Variants in RTN1 observed in about 807,000 individuals in gnomAD.
RTN1 encodes reticulon-1.
RTN1 carries 25 observed loss-of-function variants against 65.5 expected under a neutral mutation model. The ratio of observed to expected loss-of-function variants is 0.38; its 90% confidence interval spans 0.28 to 0.53. The LOEUF is 0.53. Ranked by LOEUF, RTN1 falls within the 20% of genes least tolerant of loss-of-function variation. RTN1 has a pLI of 0.79. For missense variants in RTN1, 983 were observed against 1,025.4 expected, an observed-to-expected ratio of 0.96 and a Z score of 0.57; for synonymous variants, 471 against 447.6, an observed-to-expected ratio of 1.05 and a Z score of -0.66.
rs1566727928 is a variant in RTN1 at position 59,790,132 on chromosome 14, G to C, written c.242-43651C>G. On this transcript the variant is annotated intron_variant, in intron 1 of 8. Coordinates refer to ENST00000267484, the MANE Select transcript of RTN1 (RefSeq NM_021136.3). The surrounding 1 kb of genome is among the most constrained non-coding windows in gnomAD (Gnocchi z 4.1). The stretch of plus-strand genomic sequence containing the variant: ...AGGCATGAAGAAAACCTGAAATAAT[G>C]ACTTAGAAGAAAGGCTTCAAATAAC... 6.6e-6 allele frequency among the ~76,000 whole-genome samples: 1 copy of C among 152,092 alleles called. No homozygotes were observed. Among genetic ancestry groups the C allele is most frequent in the Non-Finnish European group, 1.5e-5 (1 of 68,004 alleles).
chr14:59,629,192 TA>T (rs1239044465), intron 3 of RTN1, among the ~76,000 whole-genome samples: 33 of 152,384 alleles, frequency 2.2e-4, no homozygotes, highest in African/African-American at 7.7e-4. Context: ...TCCATCGATT[TA>T]CTTTTGACAA....
At chr14:59,833,481 A>G (rs1011439770) in intron 1 of RTN1, among the ~76,000 whole-genome samples, 9 of 152,134 alleles carry the variant, frequency 5.9e-5, no homozygotes, top group African/African-American at 1.9e-4. Flanking sequence ...AATAATTGTG[A>G]AAAAGTGACA....
intron 1 of RTN1, among the ~76,000 whole-genome samples, chr14:59,787,178 G>T (rs1886263800): frequency 6.6e-6 from 1 of 151,998 alleles, no homozygotes; most frequent in African/African-American, 2.4e-5. Flanking sequence ...ATTTGCACTG[G>T]CCCAGGAAGC....
At chr14:59,777,296 T>C (rs1886070091) in intron 1 of RTN1, among the ~76,000 whole-genome samples, 1 of 152,200 alleles carries the variant, frequency 6.6e-6, no homozygotes, top group Non-Finnish European at 1.5e-5. Context: ...GCTTTTGTGT[T>C]TGACTGTTTG....
intron 3 of RTN1, among the ~76,000 whole-genome samples, chr14:59,613,806 GA>G (rs34219803): frequency 1.8e-4 from 26 of 147,450 alleles, no homozygotes; most frequent in South Asian, 1.5e-3. Context: ...CCCTGTTTTG[GA>G]AAAAAAAAAC....
At chr14:59,740,752 A>G (rs1885099698) in intron 2 of RTN1, among the ~76,000 whole-genome samples, 1 of 152,216 alleles carries the variant, frequency 6.6e-6, no homozygotes, top group Non-Finnish European at 1.5e-5. Context: ...AACTTTAACA[A>G]AATGCTAGGA....
At position 59,746,780 on chromosome 14, in the gene RTN1, C is replaced by T. The variant is rs1042349850; in HGVS notation, c.242-299G>A. 2.0e-5 allele frequency among the ~76,000 whole-genome samples: 3 copies of T among 152,096 alleles called. No individual in the cohort carries two copies. The East Asian group carries it at 5.8e-4, about 29-fold the overall frequency. On this transcript the variant is annotated intron_variant, in intron 1 of 8. Transcript: ENST00000267484. ...GAAATTTATTTTCAACGTCTACCAC[C>T]TCAACACACAGTGACTTGATCTTAG...
At chr14:59,865,434 C>T (rs918098842) in intron 1 of RTN1, among the ~76,000 whole-genome samples, 2 of 152,180 alleles carry the variant, frequency 1.3e-5, no homozygotes, top group Non-Finnish European at 2.9e-5. Flanking sequence ...CTTCTGTTTA[C>T]TTATCCTGGG....
chr14:59,601,823 A>G (rs2140158510), intron 8 of RTN1, among the ~76,000 whole-genome samples: 1 of 152,304 alleles, frequency 6.6e-6, no homozygotes, highest in African/African-American at 2.4e-5. Flanking sequence ...TAGCATTTGT[A>G]TTTTTAAACA....
intron 3 of RTN1, among the ~76,000 whole-genome samples, chr14:59,679,837 A>G (rs1952043): frequency 0.69 from 105,356 of 151,978 alleles, 36,986 homozygotes; most frequent in Non-Finnish European, 0.74. Context: ...GAGCTTCCAT[A>G]CAGAACAATT....
intron 1 of RTN1, among the ~76,000 whole-genome samples, chr14:59,773,652 C>T (rs1260476666): frequency 6.6e-6 from 1 of 152,064 alleles, no homozygotes; most frequent in Non-Finnish European, 1.5e-5. Context: ...CCTGAGTTAC[C>T]AACTCATAAC....
intron 1 of RTN1, among the ~76,000 whole-genome samples, chr14:59,751,034 G>C (rs1482167831): frequency 6.6e-6 from 1 of 151,554 alleles, no homozygotes. Flanking sequence ...AAGTAATTTT[G>C]AAGTTTAGAA....
intron 1 of RTN1, among the ~76,000 whole-genome samples, chr14:59,838,347 C>T (rs1373497011): frequency 1.3e-5 from 2 of 152,120 alleles, no homozygotes; most frequent in African/African-American, 4.8e-5. Context: ...CATCTTTTGA[C>T]CCAGAACTTC....
chr14:59,647,203 A>G (rs1882917100), intron 3 of RTN1, among the ~76,000 whole-genome samples: 1 of 152,234 alleles, frequency 6.6e-6, no homozygotes, highest in Admixed American at 6.5e-5. Flanking sequence ...CAAAAAAGAC[A>G]AGAGCGTTAC....
At chr14:59,691,122 C>T (rs1459898990) in intron 3 of RTN1, among the ~76,000 whole-genome samples, 1 of 151,978 alleles carries the variant, frequency 6.6e-6, no homozygotes, top group African/African-American at 2.4e-5. Context: ...CCCAAAAATC[C>T]ATGCAAACCT....
intron 3 of RTN1, among the ~76,000 whole-genome samples, chr14:59,713,499 G>GA (rs1416475375): frequency 6.6e-6 from 1 of 152,154 alleles, no homozygotes; most frequent in Non-Finnish European, 1.5e-5. Context: ...TTGGCATTCT[G>GA]GTTTCGACCA....
At chr14:59,867,366 C>T (rs1887818240) in intron 1 of RTN1, among the ~76,000 whole-genome samples, 1 of 152,186 alleles carries the variant, frequency 6.6e-6, no homozygotes, top group Non-Finnish European at 1.5e-5. Flanking sequence ...TCGTAGCCTA[C>T]CTACGGTGTA....
chr14:59,634,967 A>T (rs1240256049), intron 3 of RTN1, among the ~76,000 whole-genome samples: 1 of 152,230 alleles, frequency 6.6e-6, no homozygotes, highest in East Asian at 1.9e-4. Context: ...TGAGGGAGAC[A>T]CTGAAGGGTT....
intron 1 of RTN1, among the ~76,000 whole-genome samples, chr14:59,770,908 A>C (rs1364944035): frequency 6.6e-6 from 1 of 152,206 alleles, no homozygotes; most frequent in East Asian, 1.9e-4. Flanking sequence ...TTAGCCAGGC[A>C]TGGTGGCCGG....
Sources: allele counts gnomAD v4.1 joint callset (sites outside exome capture counted in the v4.1 genomes callset), GRCh38; gene constraint gnomAD v4.1.1; non-coding constraint Gnocchi (gnomAD v3.1); transcripts MANE v1.5; gene names NCBI Gene and HGNC (gene_info 2026-07-23, HGNC 2026-07-21).